The following ADAM20 variants were observed in gnomAD, a reference collection of about 807,000 sequenced individuals.
The protein encoded by ADAM20 is disintegrin and metalloproteinase domain-containing protein 20.
For missense variants in ADAM20, 871 were observed against 883.2 expected, an observed-to-expected ratio of 0.99 and a Z score of 0.18; for synonymous variants, 305 against 310.2, an observed-to-expected ratio of 0.98 and a Z score of 0.18.
chr14:70,573,868 A>G, the ADAM20 span, among the ~76,000 whole-genome samples: 5 of 152,236 alleles, frequency 3.3e-5, no homozygotes, highest in African/African-American at 1.2e-4. Context: ...GGGCACCTAA[A>G]GATATAAAGC....
At chr14:70,527,800 C>T (rs1218648657) in intron 1 of ADAM20, among the ~76,000 whole-genome samples, 1 of 152,164 alleles carries the variant, frequency 6.6e-6, no homozygotes, top group Non-Finnish European at 1.5e-5. Context: ...TATCCCTCCC[C>T]TACATGCAAG....
intron 1 of ADAM20, among the ~76,000 whole-genome samples, chr14:70,529,512 TACTATAC>T (rs1331226571): frequency 6.6e-6 from 1 of 152,220 alleles, no homozygotes; most frequent in East Asian, 1.9e-4. Context: ...TGGTATAGCC[TACTATAC>T]ACCTGGGCTA....
chr14:70,569,004 A>G, the ADAM20 span, among the ~76,000 whole-genome samples: 1 of 152,178 alleles, frequency 6.6e-6, no homozygotes, highest in Non-Finnish European at 1.5e-5. Flanking sequence ...TAATACAAAA[A>G]AAAACCTTAA....
chr14:70,535,690 A>G (rs985466451), upstream of ADAM20, among the ~76,000 whole-genome samples: 6 of 152,228 alleles, frequency 3.9e-5, no homozygotes, highest in African/African-American at 1.4e-4. Flanking sequence ...AACACGCTCC[A>G]GAGCAAAAAG....
intron 1 of ADAM20, among the ~76,000 whole-genome samples, chr14:70,530,965 G>C (rs60870618): frequency 0.22 from 33,065 of 151,074 alleles, 4,756 homozygotes; most frequent in East Asian, 0.53. Context: ...AAACTACGCT[G>C]AAAGTCAACA....
At chr14:70,557,750 C>T in the ADAM20 span, among the ~76,000 whole-genome samples, 11 of 134,536 alleles carry the variant, frequency 8.2e-5, no homozygotes, top group African/African-American at 3.3e-4. Context: ...TTTCTTAAAA[C>T]ATTTTTTTTT....
At chr14:70,535,763 T>C (rs918337153), upstream of ADAM20, among the ~76,000 whole-genome samples, 1 of 152,164 alleles carries the variant, frequency 6.6e-6, no homozygotes, top group Non-Finnish European at 1.5e-5. Flanking sequence ...TTTTACTAAT[T>C]CATATTAGCA....
At chr14:70,526,585 A>G (rs1034567163) in intron 1 of ADAM20, among the ~76,000 whole-genome samples, 3 of 152,208 alleles carry the variant, frequency 2.0e-5, no homozygotes, top group African/African-American at 7.2e-5. Flanking sequence ...CCTATATTAC[A>G]TATAGTCAGA....
In ADAM20 at chr14:70,523,932, A is replaced by T; in HGVS notation, c.826T>A (p.Leu276Ile). Residue 276 changes from leucine (L) to isoleucine (I), a missense_variant, in exon 2 of 2, where the codon TTA becomes ATA. Leu to Ile is a conservative substitution (Grantham distance 5). Transcript: ENST00000256389. ...TTCTTCCAAATAGAAAAGTCCTCTA[A>T]AACATTATCTAGGTCTCCACTGGTA... is the stretch of plus-strand genomic sequence containing the variant. The part of the protein sequence containing the change: ...LPTSGDLDNV[L>I]EDFSIWKNYN... 1 of 1,614,026 alleles carries T rather than the reference A, an allele frequency of 6.2e-7. No individual in the cohort carries two copies. The highest frequency in any genetic ancestry group is 2.2e-5 in the East Asian group (1 of 44,884).
chr14:70,570,183 G>C, the ADAM20 span, among the ~76,000 whole-genome samples: 2 of 152,066 alleles, frequency 1.3e-5, no homozygotes, highest in Non-Finnish European at 2.9e-5. Context: ...AAATGCCTAC[G>C]TGAAAAGATA....
At chr14:70,526,720 A>G (rs1439094118) in intron 1 of ADAM20, among the ~76,000 whole-genome samples, 1 of 152,206 alleles carries the variant, frequency 6.6e-6, no homozygotes, top group Admixed American at 6.5e-5. Context: ...AATTTTGTGA[A>G]CGGGTGTATT....
At chr14:70,573,565 T>A in the ADAM20 span, among the ~76,000 whole-genome samples, 1 of 152,050 alleles carries the variant, frequency 6.6e-6, no homozygotes, top group East Asian at 1.9e-4. Context: ...CCACCTGAAT[T>A]TATAATTTTT....
chr14:70,528,604 T>G (rs888036598), intron 1 of ADAM20, among the ~76,000 whole-genome samples: 1 of 152,156 alleles, frequency 6.6e-6, no homozygotes, highest in Non-Finnish European at 1.5e-5. Context: ...CAGAGCTTAG[T>G]GGAGATAATC....
At chr14:70,560,402 A>C in the ADAM20 span, among the ~76,000 whole-genome samples, 6 of 152,234 alleles carry the variant, frequency 3.9e-5, no homozygotes, top group Non-Finnish European at 8.8e-5. Flanking sequence ...TTCCAGTAAC[A>C]TATCAAAAAC....
chr14:70,555,618 T>C, the ADAM20 span, among the ~76,000 whole-genome samples: 1 of 152,314 alleles, frequency 6.6e-6, no homozygotes, highest in African/African-American at 2.4e-5. Context: ...TATTGAAAAT[T>C]TAGTTTTACC....
chr14:70,531,625 A>C (rs1048204992), intron 1 of ADAM20, among the ~76,000 whole-genome samples: 15 of 152,124 alleles, frequency 9.9e-5, no homozygotes, highest in African/African-American at 3.6e-4. Flanking sequence ...ACAAAAACAA[A>C]CCTGTTATAG....
At chr14:70,536,944 C>CCAAA (rs1883850973), upstream of ADAM20, among the ~76,000 whole-genome samples, 1 of 125,386 alleles carries the variant, frequency 8.0e-6, no homozygotes, top group African/African-American at 2.8e-5. Context: ...CACTCCTAAC[C>CCAAA]AAAAAAAAAA....
At chr14:70,570,081 A>G in the ADAM20 span, among the ~76,000 whole-genome samples, 1 of 151,992 alleles carries the variant, frequency 6.6e-6, no homozygotes, top group Non-Finnish European at 1.5e-5. Flanking sequence ...AAATGCAAAA[A>G]AACTGAAATC....
At chr14:70,576,254 T>C in the ADAM20 span, among the ~76,000 whole-genome samples, 3,324 of 152,276 alleles carry the variant, frequency 0.022, 58 homozygotes, top group African/African-American at 0.059. Context: ...GAGACAACTA[T>C]CAATGCAACT....
Sources: allele counts gnomAD v4.1 joint callset (sites outside exome capture counted in the v4.1 genomes callset), GRCh38; gene constraint gnomAD v4.1.1; transcripts MANE v1.5; gene names NCBI Gene and HGNC (gene_info 2026-07-23, HGNC 2026-07-21).